Variants in PTBP2 observed in about 807,000 individuals in gnomAD.
The protein encoded by PTBP2 is polypyrimidine tract binding protein 2, also known as polypyrimidine tract-binding protein 2.
In PTBP2, 13 loss-of-function variants were observed where a neutral mutation model predicts 61.4. The ratio of observed to expected loss-of-function variants is 0.21; its 90% CI spans 0.14 to 0.34. The LOEUF is 0.34. PTBP2 is among the 10% of genes least tolerant of loss of function. The pLI, the probability that PTBP2 is intolerant of heterozygous loss-of-function variation, is 1.00. For missense variants in PTBP2, 405 were observed against 642.6 expected, an observed-to-expected ratio of 0.63 and a Z score of 4.00; for synonymous variants, 215 against 218.5, an observed-to-expected ratio of 0.98 and a Z score of 0.14.
Position 96,814,991 on chromosome 1 carries a change from T to G in PTBP2, c.*1586T>G, listed in dbSNP as rs1662411079. On this transcript the variant is annotated 3_prime_UTR_variant, in exon 14 of 14. Transcript: ENST00000674951. ...ATTCTCTGCCAGGGTGGGAAAGGAG[T>G]AATAATATTACAATTCTATGGCTTT... is the stretch of plus-strand genomic sequence containing the variant. 6.6e-6 allele frequency: 1 copy of G among 152,414 alleles called. No homozygotes were observed. 9.4% of individuals were successfully genotyped at this position (152,414 alleles called of 1,614,324 possible). A position where few individuals can be genotyped will look rare whatever the true frequency, so the allele number is the denominator to read the frequency against.
chr1:96,808,844 A>G (rs759917552), intron 11 of PTBP2, among the ~76,000 whole-genome samples: 5 of 151,984 alleles, frequency 3.3e-5, no homozygotes, highest in Non-Finnish European at 7.4e-5. Context: ...CTCCCACACA[A>G]AACTCTATGG....
intron 4 of PTBP2, 31 bp from the exon 5 acceptor site, chr1:96,770,677 G>A (rs371102954): frequency 1.4e-5 from 22 of 1,556,724 alleles, no homozygotes; most frequent in East Asian, 2.3e-5. Flanking sequence ...TGAATTTATA[G>A]TATTAAAAAT....
chr1:96,769,572 A>G (rs969524403), intron 3 of PTBP2, 131 bp from the exon 4 acceptor site: 1 of 561,612 alleles, frequency 1.8e-6, no homozygotes. Flanking sequence ...TGAATTTTCA[A>G]GAATTATTTA....
At position 96,773,822 on chromosome 1, in the gene PTBP2, G is replaced by C. The variant is rs538899943; in HGVS notation, c.432+2971G>C. ...TACTAAAAATACGAAAATTAGCTGG[G>C]CGTGGTGGCGGGCGCCTGTAGTCCC... is the stretch of plus-strand genomic sequence containing the variant. On this transcript the variant is annotated intron_variant, in intron 5 of 13. Coordinates refer to ENST00000674951, the MANE Select transcript of PTBP2 (RefSeq NM_021190.4). Among the ~76,000 whole-genome samples, 15 of 152,002 alleles carry C rather than the reference G, an allele frequency of 9.9e-5. No individual in the cohort carries two copies. The East Asian group carries it at 2.7e-3, about 28-fold the overall frequency.
At position 96,806,435 on chromosome 1, in the gene PTBP2, G is replaced by T; in HGVS notation, c.1061G>T (p.Ser354Ile). 6.2e-7 allele frequency: 1 copy of T among 1,603,224 alleles called. No homozygotes were observed. ...NLNEEMVTPQ[S>I]LFTLFGVYGD... ...CTTCTAAAGATGGTTACGCCCCAAA[G>T]TCTGTTTACCCTCTTCGGTATGTTA... Residue 354 changes from serine (S) to isoleucine (I), a missense_variant, in exon 10 of 14, where the codon AGT becomes ATT. Around this residue, in one of 4 missense-constraint regions of PTBP2, gnomAD observed 342 missense variants for 491.2 expected, o/e 0.70. Transcript: ENST00000674951.
rs576246291 is a variant in PTBP2 at position 96,753,662 on chromosome 1, G to A, written c.115+2162G>A. Among the ~76,000 whole-genome samples the A allele has an allele frequency of 4.9e-4, 75 of 152,186 alleles. 1 individual carries two copies. The South Asian group carries it at 0.015, about 29-fold the overall frequency. On this transcript the variant is annotated intron_variant, in intron 3 of 13. Transcript: ENST00000674951. ...AGAGTTAGAATTAGCAGACAAGGAC[G>A]ATAAGTATTTTAAGCTGTAAAGGAA...
downstream of PTBP2, chr1:96,815,553 A>T (rs1189380767): frequency 5.3e-5 from 8 of 152,182 alleles, no homozygotes; most frequent in Admixed American, 4.6e-4. Flanking sequence ...CTAAACAGAT[A>T]TATTGGTATC....
chr1:96,732,516 A>T lies in PTBP2; in HGVS notation c.39+8922A>T, dbSNP rs1047756100. 5.9e-5 allele frequency among the ~76,000 whole-genome samples: 9 copies of T among 152,318 alleles called. No homozygotes were observed. In the South Asian group the frequency reaches 1.9e-3, roughly 32 times the overall value. The stretch of plus-strand genomic sequence containing the variant: ...ATATTAAATAGTACATATACACTTA[A>T]TATTTAATAACTCTTAGAAGTGTCA... On this transcript the variant is annotated intron_variant, in intron 2 of 13. Transcript: ENST00000674951.
At chr1:96,737,404 A>G (rs1271091690) in intron 2 of PTBP2, among the ~76,000 whole-genome samples, 1 of 152,190 alleles carries the variant, frequency 6.6e-6, no homozygotes, top group Non-Finnish European at 1.5e-5. Context: ...GGTAAATGCA[A>G]TAGAGATAGA....
intron 2 of PTBP2, 183 bp from the exon 3 acceptor site, chr1:96,751,242 C>T (rs779597751): frequency 3.0e-6 from 2 of 677,284 alleles, no homozygotes; most frequent in Non-Finnish European, 5.4e-6. Flanking sequence ...AACACTGTTG[C>T]CTTTGTGAGA....
intron 2 of PTBP2, among the ~76,000 whole-genome samples, chr1:96,723,897 G>A (rs1048945078): frequency 3.3e-5 from 5 of 152,124 alleles, no homozygotes; most frequent in Admixed American, 3.3e-4. Context: ...GGGAAATAAT[G>A]ATTTTAAATG....
At chr1:96,793,702 T>G (rs778108989) in intron 8 of PTBP2, among the ~76,000 whole-genome samples, 5 of 152,188 alleles carry the variant, frequency 3.3e-5, no homozygotes, top group African/African-American at 4.8e-5. Context: ...TGGGTAAAAT[T>G]TTTATTTTTG....
At chr1:96,800,595 C>T (rs1660885183) in intron 8 of PTBP2, among the ~76,000 whole-genome samples, 2 of 151,642 alleles carry the variant, frequency 1.3e-5, no homozygotes, top group Non-Finnish European at 1.5e-5. Flanking sequence ...TTAGCCATGC[C>T]TGGTGGCATG....
rs763951546 is a variant in PTBP2 at position 96,806,847 on chromosome 1, C to T, written c.1079-19C>T. 139 of 1,587,184 alleles carry T rather than the reference C, an allele frequency of 8.8e-5. 3 individuals are homozygous for T. In the South Asian group the frequency reaches 1.5e-3, roughly 18 times the overall value. ...AATTAATTCCATTTTTGGATTACCTCTCTGTGGCTCCAAAAAAGGTGTTTA... is the reference window on the plus strand; with the variant it reads ...AATTAATTCCATTTTTGGATTACCTTTCTGTGGCTCCAAAAAAGGTGTTTA... On this transcript the variant is annotated intron_variant, in intron 10 of 13. Coordinates refer to ENST00000674951, the MANE Select transcript of PTBP2 (RefSeq NM_021190.4).
Position 96,813,517 on chromosome 1 carries a change from G to T in PTBP2, c.*112G>T. The T allele has an allele frequency of 8.7e-7, 1 of 1,144,892 alleles. No homozygotes were observed. The highest frequency in any genetic ancestry group is 2.4e-5 in the South Asian group (1 of 41,402). The allele number at this position is 1,144,892 out of a possible 1,614,324, so 70.9% of individuals were successfully genotyped here. ...GATTTTTTTTGTTTTTGTTTTTTTGGGGTTTCTTTTTTTTTTCCATGCTGT... is the reference window on the plus strand; with the variant it reads ...GATTTTTTTTGTTTTTGTTTTTTTGTGGTTTCTTTTTTTTTTCCATGCTGT... On this transcript the variant is annotated 3_prime_UTR_variant, in exon 14 of 14. Coordinates refer to ENST00000674951, the MANE Select transcript of PTBP2 (RefSeq NM_021190.4).
intron 7 of PTBP2, among the ~76,000 whole-genome samples, chr1:96,783,368 T>C (rs1658902879): frequency 6.6e-6 from 1 of 151,988 alleles, no homozygotes; most frequent in Admixed American, 6.6e-5. Context: ...CATAAAGTTT[T>C]TGTTTTTGTT....
intron 7 of PTBP2, among the ~76,000 whole-genome samples, chr1:96,784,645 T>C (rs17526199): frequency 0.013 from 2,039 of 152,280 alleles, 27 homozygotes; most frequent in Middle Eastern, 0.054. Context: ...CTTCTAAAAC[T>C]GTACTGAATC....
chr1:96,752,362 A>G (rs1654657081), intron 3 of PTBP2, among the ~76,000 whole-genome samples: 1 of 152,180 alleles, frequency 6.6e-6, no homozygotes, highest in Non-Finnish European at 1.5e-5. Flanking sequence ...TAAAAGGATC[A>G]TGAAAGACTA....
At chr1:96,779,885 A>G (rs1320105270) in intron 7 of PTBP2, among the ~76,000 whole-genome samples, 4 of 151,310 alleles carry the variant, frequency 2.6e-5, no homozygotes, top group African/African-American at 7.3e-5. Context: ...TAATCTGACA[A>G]TTGGTACCAG....
Sources: allele counts gnomAD v4.1 joint callset (sites outside exome capture counted in the v4.1 genomes callset), GRCh38; gene constraint gnomAD v4.1.1; regional missense constraint gnomAD v4.1.1; transcripts MANE v1.5; gene names NCBI Gene and HGNC (gene_info 2026-07-23, HGNC 2026-07-21).